Variants in NETO1 observed in about 807,000 individuals in gnomAD.
The protein encoded by NETO1 is neuropilin and tolloid-like protein 1.
In NETO1, 26 loss-of-function variants were observed where a neutral mutation model predicts 61.3. The observed-to-expected ratio is 0.42, with a 90% CI of 0.31 to 0.59. The LOEUF is 0.59. Ranked by LOEUF, NETO1 falls within the 20% of genes least tolerant of loss-of-function variation. The probability of loss-of-function intolerance (pLI) is 0.12; values close to 1 mark genes in which losing one functional copy is unlikely to be tolerated. For missense variants in NETO1, 531 were observed against 662.8 expected, an observed-to-expected ratio of 0.80 and a Z score of 2.18; for synonymous variants, 225 against 225.8, an observed-to-expected ratio of 1.00 and a Z score of 0.03.
intron 7 of NETO1, among the ~76,000 whole-genome samples, chr18:72,757,980 G>T (rs2070840548): frequency 6.6e-6 from 1 of 152,030 alleles, no homozygotes; most frequent in African/African-American, 2.4e-5. Context: ...CATCAAGTAG[G>T]AAATACCTTT....
chr18:72,801,370 T>C (rs556258608), intron 4 of NETO1, among the ~76,000 whole-genome samples: 45 of 152,314 alleles, frequency 3.0e-4, no homozygotes, highest in Non-Finnish European at 5.4e-4. Flanking sequence ...AGGTCACTAT[T>C]TTCATAATAA....
At position 72,766,015 on chromosome 18, in the gene NETO1, C is replaced by T. The variant is rs143735781; in HGVS notation, c.869-9868G>A. Among the ~76,000 whole-genome samples the T allele has an allele frequency of 3.0e-3, 461 of 151,924 alleles. 1 individual carries two copies. The highest frequency in any genetic ancestry group is 0.01 in the Middle Eastern group (3 of 292). On this transcript the variant is annotated intron_variant, in intron 7 of 10. Coordinates refer to ENST00000327305, the MANE Select transcript of NETO1 (RefSeq NM_138966.5). ...TGAGGTCAGGAGTTCAAGACCAGCT[C>T]GGTCAACATGGTGAGAACTCATCTC...
intron 4 of NETO1, among the ~76,000 whole-genome samples, chr18:72,802,661 T>G (rs1275362262): frequency 6.6e-6 from 1 of 152,222 alleles, no homozygotes; most frequent in Non-Finnish European, 1.5e-5. Context: ...ACATCTGGAT[T>G]GATTGACATT....
Position 72,807,356 on chromosome 18 carries a change from T to C in NETO1, c.470-12952A>G, listed in dbSNP as rs540208043. Among the ~76,000 whole-genome samples, 5 of 152,330 alleles carry C rather than the reference T, an allele frequency of 3.3e-5. No homozygotes were observed. In the South Asian group the frequency reaches 8.3e-4, roughly 25 times the overall value. The stretch of plus-strand genomic sequence containing the variant: ...TTACAAGATTTACAGGAAGAAAATT[T>C]TCAAGCCCTTTAAAATATTATTGAT... On this transcript the variant is annotated intron_variant, in intron 4 of 10. Coordinates refer to ENST00000327305, the MANE Select transcript of NETO1 (RefSeq NM_138966.5).
intron 1 of NETO1, chr18:72,867,016 G>A (rs1263350698): frequency 6.5e-6 from 3 of 458,018 alleles, no homozygotes; most frequent in African/African-American, 4.1e-5. Flanking sequence ...CCACCCCCGG[G>A]GGGTTCCTGC....
Position 72,794,171 on chromosome 18 carries a change from A to T in NETO1, c.585T>A (p.Thr195=). 6.2e-7 allele frequency: 1 copy of T among 1,614,188 alleles called. No homozygotes were observed. Among genetic ancestry groups the T allele is most frequent in the South Asian group, 1.1e-5 (1 of 91,080 alleles). The change falls in exon 6 of 11, where the codon ACT becomes ACA. Residue 195 remains threonine, a synonymous_variant. Coordinates refer to ENST00000327305, the MANE Select transcript of NETO1 (RefSeq NM_138966.5). ...SIQIMKEGKA[T]ASEAVDCKWY... Reference sequence around the variant, plus strand: ...ACTTGCAATCAACAGCCTCGCTAGCAGTAGCTTTGCCTTCCTTCATAATTT... The same window carrying T: ...ACTTGCAATCAACAGCCTCGCTAGCTGTAGCTTTGCCTTCCTTCATAATTT...
At position 72,748,119 on chromosome 18, in the gene NETO1, A is replaced by G. The variant is rs376030260; in HGVS notation, c.*60T>C. On this transcript the variant is annotated 3_prime_UTR_variant, in exon 11 of 11. Transcript: ENST00000327305. ...ATGTCCACTTTTCACAATTCACTAT[A>G]GAATTTTCTTTTCACAGTCCCCATG... The G allele has an allele frequency of 1.0e-6, 1 of 972,668 alleles. No individual in the cohort carries two copies. The highest frequency in any genetic ancestry group is 1.8e-5 in the African/African-American group (1 of 57,102). 60.3% of individuals were successfully genotyped at this position (972,668 alleles called of 1,614,324 possible).
intron 4 of NETO1, among the ~76,000 whole-genome samples, chr18:72,850,922 C>A (rs1207363023): frequency 6.6e-6 from 1 of 152,212 alleles, no homozygotes; most frequent in East Asian, 1.9e-4. Context: ...AACAGTCCCA[C>A]TTCTGGATGG....
Position 72,803,362 on chromosome 18 carries a change from C to T in NETO1, c.470-8958G>A, listed in dbSNP as rs913358640. 1.2e-4 allele frequency among the ~76,000 whole-genome samples: 18 copies of T among 152,220 alleles called. 1 individual carries two copies. The South Asian group carries it at 3.1e-3, about 26-fold the overall frequency. On this transcript the variant is annotated intron_variant, in intron 4 of 10. Transcript: ENST00000327305. Reference sequence around the variant, plus strand: ...AAACAAGGATGCATGTGGAACAGAGCCCTTTGAAGAGGAAAATACACTAAT... The same window carrying T: ...AAACAAGGATGCATGTGGAACAGAGTCCTTTGAAGAGGAAAATACACTAAT...
chr18:72,748,199 A>C, intron 10 of NETO1, 35 bp from the exon 11 acceptor site: 1 of 982,380 alleles, frequency 1.0e-6, no homozygotes, highest in Non-Finnish European at 1.2e-6. Flanking sequence ...ATTTTCTCCC[A>C]ATGAAAAATG....
chr18:72,826,807 T>C (rs7232464), intron 4 of NETO1, among the ~76,000 whole-genome samples: 122,488 of 152,088 alleles, frequency 0.81, 50,058 homozygotes, highest in Non-Finnish European at 0.86. Context: ...TTATTTGCAA[T>C]GGGCCCTATT....
At chr18:72,794,544 G>A (rs2072246515) in intron 4 of NETO1, 140 bp from the exon 5 acceptor site, 1 of 728,208 alleles carries the variant, frequency 1.4e-6, no homozygotes, top group African/African-American at 1.8e-5. Context: ...TTAGGGAAAA[G>A]TAAATGATTA....
At chr18:72,764,230 G>A (rs1224297844) in intron 7 of NETO1, among the ~76,000 whole-genome samples, 2 of 152,032 alleles carry the variant, frequency 1.3e-5, no homozygotes, top group Non-Finnish European at 2.9e-5. Flanking sequence ...ATTTACTAAA[G>A]CTTACTTTTT....
chr18:72,753,286 A>C (rs1304371997), intron 8 of NETO1, among the ~76,000 whole-genome samples: 1 of 152,092 alleles, frequency 6.6e-6, no homozygotes, highest in Non-Finnish European at 1.5e-5. Context: ...CTCATCATAG[A>C]AAGGAGCCTC....
At chr18:72,815,185 C>T (rs761533068) in intron 4 of NETO1, among the ~76,000 whole-genome samples, 2 of 151,840 alleles carry the variant, frequency 1.3e-5, no homozygotes, top group Non-Finnish European at 2.9e-5. Flanking sequence ...TCACACCACA[C>T]AGTAAAAATC....
At chr18:72,820,423 A>G (rs747455626) in intron 4 of NETO1, among the ~76,000 whole-genome samples, 12 of 152,222 alleles carry the variant, frequency 7.9e-5, no homozygotes, top group Non-Finnish European at 1.6e-4. Context: ...TGTTATTTTT[A>G]CATAACTATA....
rs1432642468 is a variant in NETO1, at chr18:72,749,037, A to T, written c.1593T>A (p.Thr531=). ...LSKHESEYNT[T]RV ...ACCTTGAATTTTCTTTCTAGACCCT[A>T]GTTGTGTTGTATTCAGATTCATGTT... The change falls in exon 10 of 11, where the codon ACT becomes ACA. Residue 531 remains threonine, a synonymous_variant. Coordinates refer to ENST00000327305, the MANE Select transcript of NETO1 (RefSeq NM_138966.5). 6.2e-7 allele frequency: 1 copy of T among 1,610,222 alleles called. No homozygotes were observed.
Position 72,783,920 on chromosome 18 carries a change from A to G in NETO1, c.640-14T>C. 2 of 1,573,706 alleles carry G rather than the reference A, an allele frequency of 1.3e-6. No homozygotes were observed. The highest frequency in any genetic ancestry group is 1.1e-5 in the South Asian group (1 of 90,176). On this transcript the variant is annotated splice_polypyrimidine_tract_variant and intron_variant, in intron 6 of 10. Transcript: ENST00000327305. ...TCGTAAGTAAATCTATAAAACAAAAATAAAATAATTTCCACATATCAAAAT... is the reference window on the plus strand; with the variant it reads ...TCGTAAGTAAATCTATAAAACAAAAGTAAAATAATTTCCACATATCAAAAT...
chr18:72,801,575 T>C (rs2072508868), intron 4 of NETO1, among the ~76,000 whole-genome samples: 1 of 152,324 alleles, frequency 6.6e-6, no homozygotes, highest in Admixed American at 6.5e-5. Flanking sequence ...GTGATTTTAC[T>C]GGACACTTAC....
Sources: allele counts gnomAD v4.1 joint callset (sites outside exome capture counted in the v4.1 genomes callset), GRCh38; gene constraint gnomAD v4.1.1; transcripts MANE v1.5; gene names NCBI Gene and HGNC (gene_info 2026-07-23, HGNC 2026-07-21).